The following PDE4D variants were observed in gnomAD, a reference collection of about 807,000 sequenced individuals.
PDE4D encodes the protein phosphodiesterase 4D, also known as 3',5'-cyclic-AMP phosphodiesterase 4D.
PDE4D carries 24 observed loss-of-function variants against 87.4 expected under a neutral mutation model. The ratio of observed to expected loss-of-function variants is 0.27; its 90% confidence interval spans 0.20 to 0.39. PDE4D has a LOEUF of 0.39. PDE4D is among the 10% of genes least tolerant of loss of function. PDE4D has a pLI of 1.00. For missense variants in PDE4D, 714 were observed against 1,041.0 expected (o/e 0.69, Z 4.32); for synonymous variants, 384 against 383.2 (o/e 1.00, Z -0.02).
At chr5:59,106,683 C>T (rs936029686) in intron 5 of PDE4D, among the ~76,000 whole-genome samples, 4 of 152,178 alleles carry the variant, frequency 2.6e-5, no homozygotes, top group African/African-American at 9.7e-5. Context: ...TCGCTTGAAC[C>T]CGGGAGGCGG....
chr5:60,435,242 T>G (rs1744670313), intron 1 of PDE4D, among the ~76,000 whole-genome samples: 1 of 152,104 alleles, frequency 6.6e-6, no homozygotes, highest in Non-Finnish European at 1.5e-5. Context: ...GATTACTAAA[T>G]CTCTATCCTG....
At chr5:59,018,950 T>G (rs993951864) in intron 6 of PDE4D, among the ~76,000 whole-genome samples, 18 of 151,868 alleles carry the variant, frequency 1.2e-4, no homozygotes, top group Admixed American at 3.9e-4. Flanking sequence ...TCTTTTTTTT[T>G]TTTTTTTTAA....
chr5:60,414,647 T>G (rs1453896889), intron 1 of PDE4D, among the ~76,000 whole-genome samples: 1 of 152,236 alleles, frequency 6.6e-6, no homozygotes, highest in Non-Finnish European at 1.5e-5. Flanking sequence ...AGTTTGCTGG[T>G]TAACACTCCA....
chr5:59,098,835 A>G (rs1214074575), intron 5 of PDE4D, among the ~76,000 whole-genome samples: 4 of 152,168 alleles, frequency 2.6e-5, no homozygotes, highest in Non-Finnish European at 5.9e-5. Flanking sequence ...ACCATCCGTA[A>G]CACATGGCTT....
chr5:60,039,390 A>T (rs10461444), intron 2 of PDE4D, among the ~76,000 whole-genome samples: 67,410 of 145,780 alleles, frequency 0.46, 15,587 homozygotes, highest in East Asian at 0.77. Flanking sequence ...AACAATGAGA[A>T]CACATGGACA....
At chr5:59,809,315 C>T (rs1768078567) in intron 1 of PDE4D, among the ~76,000 whole-genome samples, 1 of 152,044 alleles carries the variant, frequency 6.6e-6, no homozygotes, top group Non-Finnish European at 1.5e-5. Context: ...AGGGACTAGA[C>T]CCATCGAAAG....
chr5:59,411,297 C>T (rs902345775), intron 1 of PDE4D, among the ~76,000 whole-genome samples: 5 of 152,200 alleles, frequency 3.3e-5, no homozygotes, highest in African/African-American at 1.2e-4. Flanking sequence ...GGTCCTCTCA[C>T]ATCTCTAGTT....
intron 1 of PDE4D, among the ~76,000 whole-genome samples, chr5:59,366,485 A>T (rs944199575): frequency 3.9e-5 from 6 of 152,160 alleles, no homozygotes; most frequent in African/African-American, 1.4e-4. Context: ...ATTCCAGGTT[A>T]GTCCTAGGTA....
At chr5:60,088,741 G>A (rs186633485) in intron 2 of PDE4D, among the ~76,000 whole-genome samples, 48 of 151,902 alleles carry the variant, frequency 3.2e-4, no homozygotes, top group African/African-American at 1.1e-3. Flanking sequence ...AAGAGAGAGA[G>A]AGAAAAAGAA....
intron 1 of PDE4D, among the ~76,000 whole-genome samples, chr5:59,372,858 T>C (rs1012811214): frequency 1.3e-5 from 2 of 152,140 alleles, no homozygotes; most frequent in Non-Finnish European, 2.9e-5. Flanking sequence ...AAGACAAAGT[T>C]TGGGCCTCAT....
intron 6 of PDE4D, among the ~76,000 whole-genome samples, chr5:59,009,834 T>A (rs1006822191): frequency 6.6e-6 from 1 of 152,194 alleles, no homozygotes; most frequent in East Asian, 1.9e-4. Flanking sequence ...TTATTTCAAT[T>A]CCAGATTTGC....
At chr5:60,429,738 T>A (rs946441233) in intron 1 of PDE4D, among the ~76,000 whole-genome samples, 5 of 152,220 alleles carry the variant, frequency 3.3e-5, no homozygotes, top group Non-Finnish European at 5.9e-5. Context: ...TTTTTGTTTT[T>A]ATTCCGTTCA....
chr5:59,853,879 A>T (rs530026961), intron 1 of PDE4D, among the ~76,000 whole-genome samples: 11 of 152,054 alleles, frequency 7.2e-5, no homozygotes, highest in Admixed American at 5.9e-4. Context: ...ATTGTTTACA[A>T]CATGATTTAA....
intron 2 of PDE4D, among the ~76,000 whole-genome samples, chr5:60,082,263 A>G (rs373657065): frequency 6.6e-6 from 1 of 152,182 alleles, no homozygotes; most frequent in African/African-American, 2.4e-5. Flanking sequence ...TAATACCCTT[A>G]TAAGAAGAAA....
intron 1 of PDE4D, among the ~76,000 whole-genome samples, chr5:59,273,907 A>G (rs980487530): frequency 1.3e-5 from 2 of 152,124 alleles, no homozygotes; most frequent in African/African-American, 2.4e-5. Context: ...TCCAATTGAA[A>G]CCTGAATTTG....
chr5:59,524,051 A>G (rs1582975848), intron 1 of PDE4D, among the ~76,000 whole-genome samples: 1 of 152,318 alleles, frequency 6.6e-6, no homozygotes, highest in South Asian at 2.1e-4. Context: ...TAGCAGTGTG[A>G]GAACAGATTA....
intron 1 of PDE4D, among the ~76,000 whole-genome samples, chr5:59,792,003 C>G (rs1308995415): frequency 6.6e-6 from 1 of 152,182 alleles, no homozygotes; most frequent in Admixed American, 6.5e-5. Context: ...GTATAGGATA[C>G]AATGTGTGGC....
chr5:60,460,400 C>CTTCA, intron 1 of PDE4D: 1 of 1,118,934 alleles, frequency 8.9e-7, no homozygotes, highest in African/African-American at 1.5e-5. Context: ...TGCAGTGCCT[C>CTTCA]TTCATCCTCC....
chr5:60,089,254 C>T (rs905088048), intron 2 of PDE4D, among the ~76,000 whole-genome samples: 2 of 152,050 alleles, frequency 1.3e-5, no homozygotes, highest in Admixed American at 6.5e-5. Context: ...TTCTCAACAG[C>T]ACATGGAACA....
Sources: allele counts gnomAD v4.1 joint callset (sites outside exome capture counted in the v4.1 genomes callset), GRCh38; gene constraint gnomAD v4.1.1; transcripts MANE v1.5; gene names NCBI Gene and HGNC (gene_info 2026-07-23, HGNC 2026-07-21).